The following KLHL4 variants were observed in gnomAD, a reference collection of about 807,000 sequenced individuals.
KLHL4 encodes kelch-like protein 4.
In KLHL4, 17 loss-of-function variants were observed where a neutral mutation model predicts 45.8. The ratio of observed to expected loss-of-function variants is 0.37; its 90% CI spans 0.25 to 0.56. The LOEUF (loss-of-function observed/expected upper bound fraction) is 0.56, where lower values mean the gene tolerates loss of function less well. Ranked by LOEUF, KLHL4 falls within the 20% of genes least tolerant of loss-of-function variation. The probability of loss-of-function intolerance (pLI) is 0.79; values close to 1 mark genes in which losing one functional copy is unlikely to be tolerated. For synonymous variants in KLHL4, 224 were observed against 189.9 expected, an observed-to-expected ratio of 1.18 and a Z score of -1.47; for missense variants, 544 against 544.9, an observed-to-expected ratio of 1.00 and a Z score of 0.02.
intron 1 of KLHL4, among the ~76,000 whole-genome samples, chrX:87,595,959 G>C (rs916303496): frequency 9.0e-6 from 1 of 111,437 alleles, no homozygotes; most frequent in Non-Finnish European, 1.9e-5. Flanking sequence ...ATTGGATCAT[G>C]GAGGCAGATT....
At chrX:87,547,725 G>T (rs1296687473) in intron 1 of KLHL4, among the ~76,000 whole-genome samples, 1 of 110,661 alleles carries the variant, frequency 9.0e-6, no homozygotes, top group Non-Finnish European at 1.9e-5. Flanking sequence ...GGAGGCTGAG[G>T]CAGAAGAATG....
intron 9 of KLHL4, among the ~76,000 whole-genome samples, chrX:87,644,218 T>C (rs1286456337): frequency 9.0e-6 from 1 of 111,581 alleles, no homozygotes; most frequent in Non-Finnish European, 1.9e-5. Flanking sequence ...GGATATAAGA[T>C]TAATGTACAC....
At chrX:87,551,016 A>T (rs1931802253) in intron 1 of KLHL4, among the ~76,000 whole-genome samples, 1 of 111,378 alleles carries the variant, frequency 9.0e-6, no homozygotes, top group Non-Finnish European at 1.9e-5. Context: ...GCAATCAGAC[A>T]AGAGAAAGAA....
intron 9 of KLHL4, among the ~76,000 whole-genome samples, chrX:87,658,180 G>A (rs1204320390): frequency 8.9e-6 from 1 of 111,773 alleles, no homozygotes; most frequent in Non-Finnish European, 1.9e-5. Context: ...GGGGCTCCCA[G>A]ATGATACCCT....
chrX:87,594,853 T>C (rs1921788203), intron 1 of KLHL4, among the ~76,000 whole-genome samples: 1 of 111,613 alleles, frequency 9.0e-6, no homozygotes, highest in African/African-American at 3.3e-5. Flanking sequence ...GTTTGTTCTA[T>C]GCTAAAGAAA....
intron 1 of KLHL4, among the ~76,000 whole-genome samples, chrX:87,529,733 A>G (rs1931204321): frequency 8.9e-6 from 1 of 112,061 alleles, no homozygotes; most frequent in Admixed American, 9.5e-5. Context: ...AGATTTGGAG[A>G]CATAAAACCA....
intron 1 of KLHL4, among the ~76,000 whole-genome samples, chrX:87,576,902 AAAC>A (rs1406359211): frequency 8.9e-6 from 1 of 112,197 alleles, no homozygotes; most frequent in Non-Finnish European, 1.9e-5. Context: ...GATTGAAATG[AAAC>A]ATCATATTTT....
At chrX:87,616,447 G>T (rs756765531) in intron 3 of KLHL4, among the ~76,000 whole-genome samples, 1 of 111,730 alleles carries the variant, frequency 9.0e-6, no homozygotes, top group African/African-American at 3.2e-5. Context: ...GAAATGGAAA[G>T]AACTTTATTT....
At chrX:87,607,085 G>A (rs949029135) in intron 1 of KLHL4, among the ~76,000 whole-genome samples, 11 of 111,049 alleles carry the variant, frequency 9.9e-5, no homozygotes, top group Non-Finnish European at 1.9e-4. Context: ...TACAATTTAC[G>A]GATTATTCCT....
At chrX:87,590,381 T>C (rs962920034) in intron 1 of KLHL4, among the ~76,000 whole-genome samples, 3 of 111,582 alleles carry the variant, frequency 2.7e-5, no homozygotes, top group Admixed American at 1.9e-4. Context: ...CCTGTACTTA[T>C]AGATTGGAAG....
chrX:87,625,482 T>C (rs1190476601), intron 5 of KLHL4, 128 bp from the exon 6 acceptor site: 5 of 472,271 alleles, frequency 1.1e-5, no homozygotes, highest in Non-Finnish European at 1.7e-5. Flanking sequence ...CTACACACCT[T>C]GGCCTCCCAA....
intron 1 of KLHL4, among the ~76,000 whole-genome samples, chrX:87,568,828 A>G (rs1384977127): frequency 9.0e-6 from 1 of 111,703 alleles, no homozygotes; most frequent in East Asian, 2.8e-4. Flanking sequence ...CTTAGCTCAA[A>G]GCATATAAGA....
intron 9 of KLHL4, among the ~76,000 whole-genome samples, chrX:87,652,333 C>T (rs1001200647): frequency 8.9e-6 from 1 of 112,425 alleles, no homozygotes. Context: ...ATTTCTGCAG[C>T]CGGCTTGAAT....
chrX:87,519,384 A>G (rs779663350), intron 1 of KLHL4, among the ~76,000 whole-genome samples: 5 of 112,150 alleles, frequency 4.5e-5, no homozygotes, highest in Non-Finnish European at 7.5e-5. Flanking sequence ...AAGTTTTCCC[A>G]ATAAAACAAC....
intron 1 of KLHL4, among the ~76,000 whole-genome samples, chrX:87,533,687 TAA>T (rs1207919783): frequency 9.1e-6 from 1 of 109,982 alleles, no homozygotes; most frequent in East Asian, 2.8e-4. Context: ...ACATGTACCC[TAA>T]AACTTAAAGT....
At chrX:87,626,242 C>T (rs186002333) in intron 6 of KLHL4, among the ~76,000 whole-genome samples, 1 of 111,410 alleles carries the variant, frequency 9.0e-6, no homozygotes, top group African/African-American at 3.3e-5. Flanking sequence ...GTAAGGTATA[C>T]ATTGGTTCTG....
chrX:87,655,147 T>G lies in KLHL4; in HGVS notation c.1926-9617T>G, dbSNP rs753530825. The stretch of plus-strand genomic sequence containing the variant: ...TTTCCATGGCCATGCAGAAGTTTTT[T>G]ACTTAAGTCCCATTTGTATATTTTT... On this transcript the variant is annotated intron_variant, in intron 9 of 10. Transcript: ENST00000373119. 1.2e-4 allele frequency among the ~76,000 whole-genome samples: 13 copies of G among 111,830 alleles called. No homozygotes were observed. The South Asian group carries it at 4.8e-3, about 42-fold the overall frequency.
chrX:87,567,241 G>A (rs1932232633), intron 1 of KLHL4, among the ~76,000 whole-genome samples: 1 of 110,779 alleles, frequency 9.0e-6, no homozygotes, highest in Non-Finnish European at 1.9e-5. Flanking sequence ...ATTACCTCAT[G>A]CTCATTATGA....
intron 9 of KLHL4, among the ~76,000 whole-genome samples, chrX:87,649,115 TACCA>T (rs1390705793): frequency 9.0e-6 from 1 of 111,579 alleles, no homozygotes; most frequent in Non-Finnish European, 1.9e-5. Flanking sequence ...CAAATATCAC[TACCA>T]ACCATCTCTA....
Sources: allele counts gnomAD v4.1 joint callset (sites outside exome capture counted in the v4.1 genomes callset), GRCh38; gene constraint gnomAD v4.1.1; transcripts MANE v1.5; gene names NCBI Gene and HGNC (gene_info 2026-07-23, HGNC 2026-07-21).